Variants in ATXN1 observed in about 807,000 individuals in gnomAD.
ATXN1 encodes the protein ataxin 1, also known as ataxin-1.
ATXN1 carries 8 observed loss-of-function variants against 56.4 expected under a neutral mutation model. The ratio of observed to expected loss-of-function variants is 0.14; its 90% CI spans 0.08 to 0.26. The LOEUF (loss-of-function observed/expected upper bound fraction) is 0.26. ATXN1 is among the 10% of genes least tolerant of loss of function. The pLI, the probability that ATXN1 is intolerant of heterozygous loss-of-function variation, is 1.00. For synonymous variants in ATXN1, 514 were observed against 494.6 expected, an observed-to-expected ratio of 1.04 and a Z score of -0.52; for missense variants, 987 against 1,106.5, an observed-to-expected ratio of 0.89 and a Z score of 1.53.
At chr6:16,321,257 A>G (rs533808140) in intron 7 of ATXN1, among the ~76,000 whole-genome samples, 2 of 151,988 alleles carry the variant, frequency 1.3e-5, no homozygotes, top group African/African-American at 4.8e-5. Context: ...CGGGGGTCGC[A>G]TCTGGATGCG....
intron 2 of ATXN1, among the ~76,000 whole-genome samples, chr6:16,731,690 T>A (rs764065854): frequency 1.1e-4 from 16 of 152,090 alleles, no homozygotes; most frequent in Non-Finnish European, 2.2e-4. Flanking sequence ...ATGATATCTC[T>A]GTATCATGAA....
intron 3 of ATXN1, among the ~76,000 whole-genome samples, chr6:16,637,266 T>C (rs1763615774): frequency 6.7e-6 from 1 of 149,820 alleles, no homozygotes; most frequent in African/African-American, 2.5e-5. Flanking sequence ...AAACACCGCA[T>C]GTTCTCACTC....
At chr6:16,422,379 C>T (rs1277075867) in intron 6 of ATXN1, among the ~76,000 whole-genome samples, 1 of 152,212 alleles carries the variant, frequency 6.6e-6, no homozygotes, top group African/African-American at 2.4e-5. Flanking sequence ...CATTCTCTCT[C>T]CTCTTCTGTA....
chr6:16,745,852 C>T (rs1760514276), intron 2 of ATXN1, among the ~76,000 whole-genome samples: 1 of 152,054 alleles, frequency 6.6e-6, no homozygotes, highest in African/African-American at 2.4e-5. Flanking sequence ...TGAGAAGCTC[C>T]TCCTACCCTG....
At chr6:16,583,898 T>C (rs976485211) in intron 4 of ATXN1, among the ~76,000 whole-genome samples, 3 of 152,170 alleles carry the variant, frequency 2.0e-5, no homozygotes, top group African/African-American at 4.8e-5. Context: ...TTTTGGAAGA[T>C]TAGGATTATA....
intron 3 of ATXN1, among the ~76,000 whole-genome samples, chr6:16,657,147 C>T: frequency 6.6e-6 from 1 of 151,928 alleles, no homozygotes; most frequent in Admixed American, 6.6e-5. Flanking sequence ...CTACACCCGG[C>T]TAATTTTTTT....
chr6:16,713,290 A>T (rs1035652975), intron 2 of ATXN1, among the ~76,000 whole-genome samples: 14 of 152,214 alleles, frequency 9.2e-5, no homozygotes, highest in Non-Finnish European at 1.5e-5. Context: ...TTCAATTTAC[A>T]AACGCTGGGT....
At chr6:16,643,100 T>A (rs1399528165) in intron 3 of ATXN1, among the ~76,000 whole-genome samples, 1 of 151,822 alleles carries the variant, frequency 6.6e-6, no homozygotes, top group Non-Finnish European at 1.5e-5. Flanking sequence ...TGAAACCCCA[T>A]CTCTACTAAA....
At chr6:16,686,515 A>C (rs1262863725) in intron 2 of ATXN1, among the ~76,000 whole-genome samples, 1 of 52,500 alleles carries the variant, frequency 1.9e-5, no homozygotes, top group African/African-American at 7.7e-5. Flanking sequence ...TTATGCCGAA[A>C]AGAGATATTT....
chr6:16,355,813 C>G (rs888448693), intron 6 of ATXN1, among the ~76,000 whole-genome samples: 27 of 152,310 alleles, frequency 1.8e-4, no homozygotes, highest in African/African-American at 5.8e-4. Flanking sequence ...ATCCACCCGC[C>G]TTGGCCTCCC....
chr6:16,705,024 T>C (rs183173612), intron 2 of ATXN1, among the ~76,000 whole-genome samples: 1 of 152,258 alleles, frequency 6.6e-6, no homozygotes, highest in Admixed American at 6.5e-5. Flanking sequence ...ATTGCAGAGA[T>C]TGGACCCAGT....
rs187146902 is a variant in ATXN1, at chr6:16,617,592, G to A, written c.-488-31685C>T. Among the ~76,000 whole-genome samples the A allele has an allele frequency of 5.0e-4, 76 of 151,846 alleles. 1 individual carries two copies. The South Asian group carries it at 9.2e-3, about 18-fold the overall frequency. On this transcript the variant is annotated intron_variant, in intron 3 of 7. Transcript: ENST00000436367. ...ATCCTGGCTAACACAGTGAAACCCC[G>A]TCTCTACTAAAAACACACACAAAAA...
intron 2 of ATXN1, among the ~76,000 whole-genome samples, chr6:16,692,142 G>C (rs188368327): frequency 6.6e-6 from 1 of 152,212 alleles, no homozygotes; most frequent in Non-Finnish European, 1.5e-5. Context: ...TGTAGTCCCA[G>C]CTACTCAGGA....
At chr6:16,610,216 A>C (rs1375057757) in intron 3 of ATXN1, among the ~76,000 whole-genome samples, 1 of 152,074 alleles carries the variant, frequency 6.6e-6, no homozygotes, top group Non-Finnish European at 1.5e-5. Context: ...TAAAGAAATA[A>C]TGAAAGAAAA....
intron 3 of ATXN1, among the ~76,000 whole-genome samples, chr6:16,649,819 G>A (rs2299062): frequency 0.41 from 62,920 of 152,002 alleles, 13,610 homozygotes; most frequent in East Asian, 0.5. Context: ...TGCAGGAATG[G>A]GCTTAACACT....
intron 2 of ATXN1, among the ~76,000 whole-genome samples, chr6:16,675,065 A>G (rs1253485458): frequency 6.6e-6 from 1 of 152,196 alleles, no homozygotes; most frequent in Non-Finnish European, 1.5e-5. Context: ...AGAGGCACAC[A>G]ACTCTTTTGG....
chr6:16,727,904 AACTGACCAACTTGAG>A (rs1759885431), intron 2 of ATXN1, among the ~76,000 whole-genome samples: 1 of 152,236 alleles, frequency 6.6e-6, no homozygotes, highest in Admixed American at 6.5e-5. Flanking sequence ...TTTAAGCCAC[AACTGACCAACTTGAG>A]ACTGCACATT....
chr6:16,523,537 C>A (rs1490736627), intron 4 of ATXN1, among the ~76,000 whole-genome samples: 5 of 152,128 alleles, frequency 3.3e-5, no homozygotes, highest in Non-Finnish European at 7.4e-5. Flanking sequence ...TCTTTATTTG[C>A]GGAGATGGAG....
intron 3 of ATXN1, among the ~76,000 whole-genome samples, chr6:16,590,088 T>TA (rs200410883): frequency 1.1e-4 from 16 of 149,454 alleles, no homozygotes; most frequent in African/African-American, 2.0e-4. Context: ...TTTCTTTTGC[T>TA]AAAAAAAAAA....
Sources: allele counts gnomAD v4.1 joint callset (sites outside exome capture counted in the v4.1 genomes callset), GRCh38; gene constraint gnomAD v4.1.1; transcripts MANE v1.5; gene names NCBI Gene and HGNC (gene_info 2026-07-23, HGNC 2026-07-21).